Variants in OPCML observed in about 807,000 individuals in gnomAD.
The protein encoded by OPCML is opioid-binding protein/cell adhesion molecule.
A neutral mutation model predicts 37.8 loss-of-function variants in OPCML; 13 were observed. The ratio of observed to expected loss-of-function variants is 0.34; its 90% confidence interval spans 0.22 to 0.55. OPCML has a LOEUF of 0.55. Among genes scored for constraint, OPCML ranks in the 20% least tolerant of loss-of-function variants. The pLI, the probability that OPCML is intolerant of heterozygous loss-of-function variation, is 0.91. For synonymous variants in OPCML, 176 were observed against 168.8 expected, an observed-to-expected ratio of 1.04 and a Z score of -0.33; for missense variants, 341 against 435.6, an observed-to-expected ratio of 0.78 and a Z score of 1.93.
chr11:132,545,837 T>C (rs558459038), intron 3 of OPCML, among the ~76,000 whole-genome samples: 1 of 152,378 alleles, frequency 6.6e-6, no homozygotes, highest in East Asian at 1.9e-4. Flanking sequence ...ATCCACAGAA[T>C]GTGAGTTGAT....
chr11:133,146,626 T>C (rs1949901623), intron 1 of OPCML, among the ~76,000 whole-genome samples: 1 of 151,462 alleles, frequency 6.6e-6, no homozygotes, highest in African/African-American at 2.4e-5. Context: ...CTAGGCTAAT[T>C]TTTCTCTATT....
At chr11:132,939,695 C>G (rs1945511097) in intron 2 of OPCML, among the ~76,000 whole-genome samples, 1 of 152,196 alleles carries the variant, frequency 6.6e-6, no homozygotes, top group Non-Finnish European at 1.5e-5. Flanking sequence ...ATCATCCATT[C>G]TGCTGAGATG....
chr11:132,531,774 A>G (rs562536719), intron 3 of OPCML, among the ~76,000 whole-genome samples: 4 of 145,884 alleles, frequency 2.7e-5, no homozygotes, highest in Non-Finnish European at 6.0e-5. Context: ...TTTTTCCTAT[A>G]TTTTCTAGCT....
At chr11:132,458,205 A>T (rs1446451032) in intron 4 of OPCML, among the ~76,000 whole-genome samples, 1 of 152,206 alleles carries the variant, frequency 6.6e-6, no homozygotes, top group Non-Finnish European at 1.5e-5. Context: ...GACACTACAC[A>T]ATCCATGCAT....
At chr11:132,795,679 A>C (rs576819828) in intron 2 of OPCML, among the ~76,000 whole-genome samples, 14 of 152,312 alleles carry the variant, frequency 9.2e-5, no homozygotes, top group South Asian at 4.1e-4. Context: ...CTACAATAGC[A>C]TGTTTTTGTG....
At chr11:132,916,337 C>T (rs1442915227) in intron 2 of OPCML, among the ~76,000 whole-genome samples, 1 of 152,150 alleles carries the variant, frequency 6.6e-6, no homozygotes, top group East Asian at 1.9e-4. Flanking sequence ...TTCTCCATGA[C>T]TCTGGGGTTC....
intron 1 of OPCML, among the ~76,000 whole-genome samples, chr11:133,037,079 A>C (rs1947796590): frequency 6.6e-6 from 1 of 152,162 alleles, no homozygotes; most frequent in African/African-American, 2.4e-5. Flanking sequence ...AAAACATACA[A>C]ACCAGGCTAT....
intron 1 of OPCML, among the ~76,000 whole-genome samples, chr11:133,396,062 G>A (rs958668729): frequency 5.3e-5 from 8 of 151,832 alleles, no homozygotes; most frequent in Admixed American, 1.3e-4. Flanking sequence ...AATGTCTTTC[G>A]CCAGCTTTTA....
At chr11:132,973,750 A>T (rs1410387474) in intron 1 of OPCML, among the ~76,000 whole-genome samples, 1 of 152,238 alleles carries the variant, frequency 6.6e-6, no homozygotes, top group East Asian at 1.9e-4. Flanking sequence ...ACTTTCCACA[A>T]TGACTTTTCC....
intron 2 of OPCML, among the ~76,000 whole-genome samples, chr11:132,896,852 G>C (rs141094450): frequency 3.7e-4 from 57 of 152,310 alleles, no homozygotes; most frequent in African/African-American, 1.3e-3. Context: ...ATTTCTAAGA[G>C]TCCAATGGTG....
At chr11:132,992,464 G>A (rs936747710) in intron 1 of OPCML, among the ~76,000 whole-genome samples, 81 of 151,716 alleles carry the variant, frequency 5.3e-4, no homozygotes, top group Admixed American at 2.9e-3. Flanking sequence ...ACTTATACAC[G>A]CATCTATTTA....
chr11:132,972,864 G>A (rs1455410787), intron 1 of OPCML, among the ~76,000 whole-genome samples: 1 of 152,124 alleles, frequency 6.6e-6, no homozygotes, highest in South Asian at 2.1e-4. Context: ...TCATTCCACA[G>A]ACCAGAAGTT....
intron 2 of OPCML, among the ~76,000 whole-genome samples, chr11:132,933,385 A>G (rs1028889596): frequency 6.6e-6 from 1 of 152,192 alleles, no homozygotes; most frequent in African/African-American, 2.4e-5. Context: ...GGCTTCAATG[A>G]TATTGTGCAA....
chr11:133,290,860 C>A (rs77653242), intron 1 of OPCML, among the ~76,000 whole-genome samples: 1 of 152,188 alleles, frequency 6.6e-6, no homozygotes, highest in Admixed American at 6.5e-5. Context: ...CCTGTGAGGC[C>A]ACAGCAATGG....
intron 1 of OPCML, chr11:133,005,254 A>G: frequency 1.0e-6 from 1 of 985,466 alleles, no homozygotes; most frequent in Non-Finnish European, 1.2e-6. Flanking sequence ...TTGATAGTGG[A>G]AAAAGTGCAT....
intron 1 of OPCML, chr11:133,118,174 A>C (rs1949365808): frequency 1.1e-6 from 1 of 922,556 alleles, no homozygotes; most frequent in Non-Finnish European, 1.3e-6. Context: ...TAAAAGTGGT[A>C]GTGCAGTGCC....
chr11:132,570,167 C>T (rs991619389), intron 3 of OPCML, among the ~76,000 whole-genome samples: 9 of 152,150 alleles, frequency 5.9e-5, no homozygotes, highest in African/African-American at 2.2e-4. Flanking sequence ...GCTTTCTTTG[C>T]TTTACTAAAT....
At chr11:133,491,507 C>T (rs1336473791) in intron 1 of OPCML, among the ~76,000 whole-genome samples, 2 of 152,200 alleles carry the variant, frequency 1.3e-5, no homozygotes. Flanking sequence ...CCCCCACCCT[C>T]TCTGCAGATC....
At chr11:132,753,192 G>A (rs922930366) in intron 2 of OPCML, among the ~76,000 whole-genome samples, 2 of 151,952 alleles carry the variant, frequency 1.3e-5, no homozygotes, top group Non-Finnish European at 2.9e-5. Flanking sequence ...CTCCTTCCTG[G>A]CTCCCAGTCT....
Sources: allele counts gnomAD v4.1 joint callset (sites outside exome capture counted in the v4.1 genomes callset), GRCh38; gene constraint gnomAD v4.1.1; transcripts MANE v1.5; gene names NCBI Gene and HGNC (gene_info 2026-07-23, HGNC 2026-07-21).